Variants in ELFN2 observed in about 807,000 individuals in gnomAD.
The protein encoded by ELFN2 is protein phosphatase 1 regulatory subunit 29.
Under a neutral mutation model 45.5 loss-of-function variants are expected in ELFN2, and 17 were observed. The ratio of observed to expected loss-of-function variants is 0.37; its 90% CI spans 0.26 to 0.56. The LOEUF (loss-of-function observed/expected upper bound fraction) is 0.56, where lower values mean the gene tolerates loss of function less well. Among genes scored for constraint, ELFN2 ranks in the 20% least tolerant of loss-of-function variants. The pLI, the probability that ELFN2 is intolerant of heterozygous loss-of-function variation, is 0.77. For missense variants in ELFN2, 922 were observed against 1,183.2 expected (o/e 0.78, Z 3.24); for synonymous variants, 550 against 551.5 (o/e 1.00, Z 0.04).
chr22:37,399,727 C>T (rs10854703), intron 2 of ELFN2, among the ~76,000 whole-genome samples: 3,486 of 151,980 alleles, frequency 0.023, 54 homozygotes, highest in Middle Eastern at 0.054. Context: ...CCTGGGCCAC[C>T]GGCCTCTGCC....
chr22:37,343,165 G>C (rs1386766431), intron 1 of ELFN2, among the ~76,000 whole-genome samples: 1 of 152,144 alleles, frequency 6.6e-6, no homozygotes, highest in African/African-American at 2.4e-5. Flanking sequence ...GCGGCGACTG[G>C]AAGGCAGAAA....
downstream of ELFN2, among the ~76,000 whole-genome samples, chr22:37,366,261 GC>G (rs1931204289): frequency 6.6e-6 from 1 of 152,206 alleles, no homozygotes; most frequent in East Asian, 1.9e-4. Flanking sequence ...AAATGAAAAG[GC>G]AAGGGTGTTT....
chr22:37,364,530 T>C (rs1209756182), downstream of ELFN2, among the ~76,000 whole-genome samples: 1 of 151,412 alleles, frequency 6.6e-6, no homozygotes, highest in Non-Finnish European at 1.5e-5. Context: ...TCCCAGAGGG[T>C]CCCCACAGTT....
chr22:37,426,474 C>A (rs1241106176), intron 1 of ELFN2, among the ~76,000 whole-genome samples: 2 of 152,074 alleles, frequency 1.3e-5, no homozygotes, highest in South Asian at 4.1e-4. Context: ...GCAGGGTCCA[C>A]CCCATGTCCA....
At chr22:37,411,910 A>G (rs1932657661) in intron 2 of ELFN2, among the ~76,000 whole-genome samples, 1 of 151,918 alleles carries the variant, frequency 6.6e-6, no homozygotes, top group Non-Finnish European at 1.5e-5. Flanking sequence ...TCCCACCACC[A>G]AACAGGCCTT....
intron 2 of ELFN2, among the ~76,000 whole-genome samples, chr22:37,378,951 G>A (rs957163286): frequency 9.2e-5 from 14 of 152,226 alleles, no homozygotes; most frequent in Non-Finnish European, 1.9e-4. Flanking sequence ...CGGTCACATG[G>A]CCAAGGTCAT....
intron 1 of ELFN2, among the ~76,000 whole-genome samples, chr22:37,419,583 G>C (rs1206995777): frequency 6.6e-6 from 1 of 152,010 alleles, no homozygotes; most frequent in African/African-American, 2.4e-5. Context: ...CAAACCAGGG[G>C]CACCGTGGAC....
chr22:37,402,396 C>T (rs909724115), intron 2 of ELFN2, among the ~76,000 whole-genome samples: 2 of 152,192 alleles, frequency 1.3e-5, no homozygotes, highest in African/African-American at 2.4e-5. Flanking sequence ...ACAGGCCCAC[C>T]ACACCCTATT....
At chr22:37,413,234 G>C (rs1200866343) in intron 2 of ELFN2, among the ~76,000 whole-genome samples, 2 of 152,094 alleles carry the variant, frequency 1.3e-5, no homozygotes, top group East Asian at 3.9e-4. Context: ...GAGGGCACAG[G>C]CTGGCAGAGT....
chr22:37,398,438 G>A (rs969589108), intron 2 of ELFN2, among the ~76,000 whole-genome samples: 3 of 151,854 alleles, frequency 2.0e-5, no homozygotes, highest in Non-Finnish European at 4.4e-5. Context: ...CTCTTCCACT[G>A]AGCCGCCCTG....
chr22:37,404,323 G>T (rs1932442561), intron 2 of ELFN2, among the ~76,000 whole-genome samples: 1 of 152,158 alleles, frequency 6.6e-6, no homozygotes, highest in Non-Finnish European at 1.5e-5. Context: ...CTTGGTGCAG[G>T]CAAGGACAGC....
chr22:37,419,667 C>T (rs1013841263), intron 1 of ELFN2, among the ~76,000 whole-genome samples: 3 of 152,192 alleles, frequency 2.0e-5, no homozygotes, highest in African/African-American at 7.2e-5. Flanking sequence ...CATAGACACA[C>T]GCCAAAACAT....
chr22:37,392,850 C>G (rs1932118852), intron 2 of ELFN2, among the ~76,000 whole-genome samples: 1 of 152,204 alleles, frequency 6.6e-6, no homozygotes, highest in Non-Finnish European at 1.5e-5. Flanking sequence ...ATGTAATATT[C>G]ATATTTCCAT....
At chr22:37,392,929 T>C (rs1022811802) in intron 2 of ELFN2, among the ~76,000 whole-genome samples, 2 of 152,246 alleles carry the variant, frequency 1.3e-5, no homozygotes, top group African/African-American at 4.8e-5. Flanking sequence ...CACACCTGCA[T>C]ATTCATTAAC....
intron 1 of ELFN2, among the ~76,000 whole-genome samples, chr22:37,359,313 C>T (rs1251665593): frequency 1.3e-5 from 2 of 152,170 alleles, no homozygotes; most frequent in African/African-American, 4.8e-5. Flanking sequence ...ACAAGGGGCT[C>T]GGCTTTGCCC....
At chr22:37,402,424 C>T (rs918711920) in intron 2 of ELFN2, among the ~76,000 whole-genome samples, 8 of 152,224 alleles carry the variant, frequency 5.3e-5, no homozygotes, top group African/African-American at 1.9e-4. Flanking sequence ...ACAGACCAGA[C>T]GTGCGCCTTG....
rs1931263619 is a variant in ELFN2 at position 37,368,507 on chromosome 22, T to C, written c.*4565A>G. Reference sequence around the variant, plus strand: ...CTCTGGAGGCAAGCAGTATGGACCCTGGTTTTGTCTTAGAAGGGGCACCCA... The same window carrying C: ...CTCTGGAGGCAAGCAGTATGGACCCCGGTTTTGTCTTAGAAGGGGCACCCA... On this transcript the variant is annotated 3_prime_UTR_variant, in exon 3 of 3. Coordinates refer to ENST00000402918, the MANE Select transcript of ELFN2 (RefSeq NM_052906.5). 1 of 152,296 alleles carries C rather than the reference T, an allele frequency of 6.6e-6. No individual in the cohort carries two copies. The highest frequency in any genetic ancestry group is 2.4e-5 in the African/African-American group (1 of 41,452). 9.4% of individuals were successfully genotyped at this position (152,296 alleles called of 1,614,324 possible).
chr22:37,372,771 C>G lies in ELFN2; in HGVS notation c.*301G>C, dbSNP rs985816007. ...TTCCTTCCTCCCCCCGCCAGCCCCC[C>G]GGCCCTGCACACCCCAGCAGAGTCC... On this transcript the variant is annotated 3_prime_UTR_variant, in exon 3 of 3. Coordinates refer to ENST00000402918, the MANE Select transcript of ELFN2 (RefSeq NM_052906.5). This position sits in a 1 kb window ranked among gnomAD's most constrained non-coding sequence, Gnocchi z 4.4. 1.9e-5 allele frequency: 5 copies of G among 268,412 alleles called. No homozygotes were observed. Among genetic ancestry groups the G allele is most frequent in the Non-Finnish European group, 2.8e-5 (4 of 142,872 alleles). The allele number at this position is 268,412 out of a possible 1,614,324, so 16.6% of individuals were successfully genotyped here.
At chr22:37,419,297 G>A (rs1932790983) in intron 1 of ELFN2, among the ~76,000 whole-genome samples, 1 of 151,770 alleles carries the variant, frequency 6.6e-6, no homozygotes, top group East Asian at 1.9e-4. Context: ...CAGCCAGCAG[G>A]GATGGGAAAG....
Sources: gnomAD v4.1 joint callset for allele counts (sites outside exome capture counted in the v4.1 genomes callset) on GRCh38, gnomAD v4.1.1 for gene constraint, Gnocchi (gnomAD v3.1) non-coding constraint, MANE v1.5 for transcripts, NCBI Gene and HGNC (gene_info 2026-07-23, HGNC 2026-07-21) for gene names.